The following IL1RAPL2 variants were observed in gnomAD, a reference collection of about 807,000 sequenced individuals.
IL1RAPL2 encodes X-linked interleukin-1 receptor accessory protein-like 2.
Under a neutral mutation model 44.1 loss-of-function variants are expected in IL1RAPL2, and 3 were observed. The ratio of observed to expected loss-of-function variants is 0.07; its 90% CI spans 0.03 to 0.18. The LOEUF is 0.18. IL1RAPL2 is among the 10% of genes least tolerant of loss of function. IL1RAPL2 has a pLI of 1.00. For missense variants in IL1RAPL2, 391 were observed against 496.4 expected, an observed-to-expected ratio of 0.79 and a Z score of 2.02; for synonymous variants, 181 against 178.8, an observed-to-expected ratio of 1.01 and a Z score of -0.10.
intron 8 of IL1RAPL2, among the ~76,000 whole-genome samples, chrX:105,742,529 A>C (rs915945918): frequency 9.0e-6 from 1 of 111,007 alleles, no homozygotes; most frequent in African/African-American, 3.3e-5. Flanking sequence ...TTGACACTAC[A>C]AACCAAGACA....
intron 2 of IL1RAPL2, among the ~76,000 whole-genome samples, chrX:104,868,140 T>C (rs962376791): frequency 1.8e-5 from 2 of 111,839 alleles, no homozygotes; most frequent in Non-Finnish European, 3.8e-5. Flanking sequence ...GCTTGGAAAG[T>C]AGTTTTAAGT....
intron 2 of IL1RAPL2, among the ~76,000 whole-genome samples, chrX:104,768,157 C>G (rs759766694): frequency 1.2e-4 from 13 of 111,335 alleles, no homozygotes; most frequent in Non-Finnish European, 1.7e-4. Context: ...GTGGTGAGAA[C>G]ACTTAAAATC....
chrX:104,920,661 C>T (rs1223729045), intron 2 of IL1RAPL2, among the ~76,000 whole-genome samples: 1 of 106,810 alleles, frequency 9.4e-6, no homozygotes, highest in African/African-American at 3.4e-5. Flanking sequence ...GTACACCCTG[C>T]GGAACCATGA....
intron 3 of IL1RAPL2, among the ~76,000 whole-genome samples, chrX:105,205,953 G>A (rs1305793165): frequency 1.8e-5 from 2 of 110,287 alleles, no homozygotes; most frequent in African/African-American, 6.6e-5. Flanking sequence ...GGATTGTGGT[G>A]GTAGCTATAA....
At chrX:105,389,487 T>C (rs956756031) in intron 5 of IL1RAPL2, among the ~76,000 whole-genome samples, 40 of 112,015 alleles carry the variant, frequency 3.6e-4, no homozygotes, top group African/African-American at 1.1e-3. Context: ...CAGTTAGGAG[T>C]TGTGAATGTT....
At position 105,767,702 on chromosome X, in the gene IL1RAPL2, A is replaced by C. The variant is rs780465516; in HGVS notation, c.*41A>C. ...CCTCTGAACAGCTAGATAAGCATAG[A>C]GAATTTCTGTTATACCAAGCATAAA... On this transcript the variant is annotated 3_prime_UTR_variant, in exon 11 of 11. Coordinates refer to ENST00000372582, the MANE Select transcript of IL1RAPL2 (RefSeq NM_017416.2). The C allele has an allele frequency of 1.0e-6, 1 of 968,385 alleles. No individual in the cohort carries two copies. Among genetic ancestry groups the C allele is most frequent in the South Asian group, 2.2e-5 (1 of 46,505 alleles). 79.8% of individuals were successfully genotyped at this position (968,385 alleles called of 1,213,427 possible).
chrX:105,078,179 C>T (rs932004774), intron 2 of IL1RAPL2, among the ~76,000 whole-genome samples: 1 of 111,402 alleles, frequency 9.0e-6, no homozygotes, highest in Non-Finnish European at 1.9e-5. Context: ...TACCTTTGAT[C>T]TTTGATGATG....
intron 2 of IL1RAPL2, among the ~76,000 whole-genome samples, chrX:104,996,973 A>G (rs1299298073): frequency 9.0e-6 from 1 of 111,684 alleles, no homozygotes; most frequent in African/African-American, 3.3e-5. Flanking sequence ...ACATTTGTCA[A>G]GCTAGAAGGA....
Position 105,666,518 on chromosome X carries a change from G to A in IL1RAPL2, c.773-50849G>A, listed in dbSNP as rs1410249458. Among the ~76,000 whole-genome samples the A allele has an allele frequency of 3.6e-5, 4 of 111,911 alleles. No homozygotes were observed. The East Asian group carries it at 1.1e-3, about 31-fold the overall frequency. ...GAGAAAGGAATTTACAATATAGTGTGTGCATCGGTAATTTCTAACAGAGCC... is the reference window on the plus strand; with the variant it reads ...GAGAAAGGAATTTACAATATAGTGTATGCATCGGTAATTTCTAACAGAGCC... On this transcript the variant is annotated intron_variant, in intron 6 of 10. Coordinates refer to ENST00000372582, the MANE Select transcript of IL1RAPL2 (RefSeq NM_017416.2).
At position 104,946,397 on chromosome X, in the gene IL1RAPL2, A is replaced by AAAAAAAC. The variant is rs1925358987; in HGVS notation, c.83-249072_83-249071insCAAAAAA. Among the ~76,000 whole-genome samples, 3 of 94,480 alleles carry AAAAAAAC rather than the reference A, an allele frequency of 3.2e-5. 1 individual carries two copies. The highest frequency in any genetic ancestry group is 1.1e-4 in the African/African-American group (3 of 26,091). 82.0% of individuals were successfully genotyped at this position (94,480 alleles called of 115,157 possible). Reference sequence around the variant, plus strand: ...TCCGTCTCAAAAAAAAAAAAAAAAAAAAAAAAAAAAAACTTTTTAAAAAAA... The same window carrying AAAAAAAC: ...TCCGTCTCAAAAAAAAAAAAAAAAAAAAAAAACAAAAAAAAAAAACTTTTTAAAAAAA... On this transcript the variant is annotated intron_variant, in intron 2 of 10. Coordinates refer to ENST00000372582, the MANE Select transcript of IL1RAPL2 (RefSeq NM_017416.2).
intron 2 of IL1RAPL2, among the ~76,000 whole-genome samples, chrX:104,918,791 T>C (rs868091880): frequency 6.4e-4 from 72 of 111,999 alleles, no homozygotes; most frequent in African/African-American, 2.2e-3. Context: ...ACAAAGCTCA[T>C]TGGACCATGG....
chrX:105,388,356 ATTTTTTTTTTTTTTTTTT>A (rs772573698), intron 5 of IL1RAPL2, among the ~76,000 whole-genome samples: 2 of 61,264 alleles, frequency 3.3e-5, no homozygotes, highest in African/African-American at 2.1e-4. Flanking sequence ...ACCAAAGCAG[ATTTTTTTTTTTTTTTTTT>A]TTTTTTTTTT....
chrX:104,990,448 T>G (rs1172979244), intron 2 of IL1RAPL2, among the ~76,000 whole-genome samples: 7 of 111,324 alleles, frequency 6.3e-5, no homozygotes, highest in Non-Finnish European at 9.4e-5. Flanking sequence ...GCATTCTTTT[T>G]GACACAAAGC....
chrX:105,692,509 C>G (rs2038043173), intron 6 of IL1RAPL2, among the ~76,000 whole-genome samples: 1 of 111,392 alleles, frequency 9.0e-6, no homozygotes, highest in African/African-American at 3.3e-5. Flanking sequence ...TGCTAAGCAC[C>G]TGAAGTATAT....
At chrX:104,934,222 CT>C (rs200387572) in intron 2 of IL1RAPL2, among the ~76,000 whole-genome samples, 2,024 of 102,478 alleles carry the variant, frequency 0.02, 19 homozygotes, top group Admixed American at 0.038. Context: ...ACACTCACAA[CT>C]TTTTTTTTTT....
chrX:104,964,244 T>A (rs2030069107), intron 2 of IL1RAPL2, among the ~76,000 whole-genome samples: 1 of 110,982 alleles, frequency 9.0e-6, no homozygotes. Flanking sequence ...TATATTGTGT[T>A]ACCTGCCTTT....
At chrX:105,426,869 T>C (rs1379838964) in intron 5 of IL1RAPL2, among the ~76,000 whole-genome samples, 1 of 112,219 alleles carries the variant, frequency 8.9e-6, no homozygotes, top group African/African-American at 3.2e-5. Flanking sequence ...AGAGAAAACC[T>C]TGGGCTAGGA....
chrX:105,069,495 G>A (rs1248629722), intron 2 of IL1RAPL2, among the ~76,000 whole-genome samples: 1 of 112,012 alleles, frequency 8.9e-6, no homozygotes, highest in East Asian at 2.8e-4. Context: ...AAACAATGTA[G>A]TATATTTTAG....
intron 5 of IL1RAPL2, among the ~76,000 whole-genome samples, chrX:105,270,690 T>C (rs2034439902): frequency 8.9e-6 from 1 of 111,864 alleles, no homozygotes. Flanking sequence ...TTTATTCTTT[T>C]TTGGAACATT....
Sources: gnomAD v4.1 joint callset for allele counts (sites outside exome capture counted in the v4.1 genomes callset) on GRCh38, gnomAD v4.1.1 for gene constraint, MANE v1.5 for transcripts, NCBI Gene and HGNC (gene_info 2026-07-23, HGNC 2026-07-21) for gene names.